The following SHCBP1L variants were observed in gnomAD, a reference collection of about 807,000 sequenced individuals.
The protein encoded by SHCBP1L is testicular spindle-associated protein SHCBP1L.
A neutral mutation model predicts 62.5 loss-of-function variants in SHCBP1L; 67 were observed. The ratio of observed to expected loss-of-function variants is 1.07; its 90% CI spans 0.88 to 1.31. SHCBP1L has a LOEUF of 1.31. Ranked by LOEUF, SHCBP1L falls within the 40% of genes most tolerant of loss-of-function variation. The pLI is 0.00. For missense variants in SHCBP1L, 823 were observed against 809.8 expected, an observed-to-expected ratio of 1.02 and a Z score of -0.20; for synonymous variants, 284 against 289.4, an observed-to-expected ratio of 0.98 and a Z score of 0.19.
At chr1:182,935,427 AT>A (rs1174609749) in intron 5 of SHCBP1L, among the ~76,000 whole-genome samples, 1 of 152,132 alleles carries the variant, frequency 6.6e-6, no homozygotes, top group African/African-American at 2.4e-5. Context: ...ATTGTCAATA[AT>A]TTTTAAAATT....
At chr1:182,914,467 T>C (rs968669106) in intron 6 of SHCBP1L, among the ~76,000 whole-genome samples, 2 of 152,128 alleles carry the variant, frequency 1.3e-5, no homozygotes, top group Non-Finnish European at 1.5e-5. Context: ...GGGGAAACAA[T>C]GTATAAAGAT....
Position 182,953,120 on chromosome 1 carries a change from G to C in SHCBP1L, c.14C>G (p.Ser5Cys). The C allele has an allele frequency of 1.3e-6, 2 of 1,579,720 alleles. No homozygotes were observed. The highest frequency in any genetic ancestry group is 1.1e-5 in the South Asian group (1 of 87,968). The change falls in exon 1 of 10, where the codon TCC becomes TGC. Residue 5 changes from serine to cysteine, a missense_variant. Coordinates refer to ENST00000367547, the MANE Select transcript of SHCBP1L (RefSeq NM_030933.4). ...TGAGTCCGCGGGCACCGAGGCCTTGGAGCCCGACGCCATCTCCTCAGCAGC... is the reference window on the plus strand; with the variant it reads ...TGAGTCCGCGGGCACCGAGGCCTTGCAGCCCGACGCCATCTCCTCAGCAGC... MASG[S>C]KASVPADSFR...
chr1:182,922,646 T>C (rs1057012141), intron 6 of SHCBP1L, among the ~76,000 whole-genome samples: 10 of 151,730 alleles, frequency 6.6e-5, no homozygotes, highest in African/African-American at 2.4e-4. Context: ...TGAATGACTT[T>C]TGGGTAAACA....
Position 182,953,138 on chromosome 1 carries a change from T to C in SHCBP1L, c.-5A>G. On this transcript the variant is annotated 5_prime_UTR_variant, in exon 1 of 10. Transcript: ENST00000367547. ...GGCCTTGGAGCCCGACGCCATCTCC[T>C]CAGCAGCCCGAGGGCCGAGGCAGCC... 1 of 1,580,258 alleles carries C rather than the reference T, an allele frequency of 6.3e-7. No homozygotes were observed.
At chr1:182,946,059 T>TA (rs1392288364) in intron 2 of SHCBP1L, among the ~76,000 whole-genome samples, 2,625 of 127,858 alleles carry the variant, frequency 0.021, 51 homozygotes, top group African/African-American at 0.061. Flanking sequence ...GACTCCGTCT[T>TA]AAAAAAAAAA....
chr1:182,943,780 A>G (rs987612113), intron 2 of SHCBP1L, among the ~76,000 whole-genome samples: 4 of 151,338 alleles, frequency 2.6e-5, no homozygotes, highest in Non-Finnish European at 5.9e-5. Context: ...AGTATTATAC[A>G]TGCATATAGT....
At chr1:182,914,675 C>T (rs1650296484) in intron 6 of SHCBP1L, among the ~76,000 whole-genome samples, 1 of 150,896 alleles carries the variant, frequency 6.6e-6, no homozygotes, top group Non-Finnish European at 1.5e-5. Flanking sequence ...AAAAAAAAAT[C>T]ATAAAACACA....
intron 6 of SHCBP1L, among the ~76,000 whole-genome samples, chr1:182,923,328 C>G (rs892773320): frequency 6.6e-6 from 1 of 152,156 alleles, no homozygotes; most frequent in Non-Finnish European, 1.5e-5. Flanking sequence ...ACCAATCCTG[C>G]TGAAACTATT....
intron 6 of SHCBP1L, among the ~76,000 whole-genome samples, chr1:182,917,332 C>T (rs1650385321): frequency 6.6e-6 from 1 of 152,140 alleles, no homozygotes; most frequent in African/African-American, 2.4e-5. Context: ...AATCATAACA[C>T]ACCACATTAA....
chr1:182,924,786 A>AAGAAAGAAAGAAAGAAAGAAAGAG (rs1557996865), intron 6 of SHCBP1L, among the ~76,000 whole-genome samples: 1 of 93,016 alleles, frequency 1.1e-5, no homozygotes, highest in Admixed American at 1.1e-4. Flanking sequence ...GAAAGAAAGA[A>AAGAAAGAAAGAAAGAAAGAAAGAG]AGAGAGAAAG....
intron 6 of SHCBP1L, among the ~76,000 whole-genome samples, chr1:182,906,766 G>A (rs1327189537): frequency 2.0e-5 from 3 of 152,098 alleles, no homozygotes; most frequent in African/African-American, 7.2e-5. Flanking sequence ...AATATGCATT[G>A]GGAGTAGAAA....
At position 182,952,882 on chromosome 1, in the gene SHCBP1L, C is replaced by G; in HGVS notation, c.252G>C (p.Ala84=). ...GGGGCTCCTCCGCCGCCGCCGCCGCCGCCTCTCCCGTGTCCTCGGCCTGAG... is the reference window on the plus strand; with the variant it reads ...GGGGCTCCTCCGCCGCCGCCGCCGCGGCCTCTCCCGTGTCCTCGGCCTGAG... ...PAAQAEDTGE[A]AAAAAEEPLL... The change falls in exon 1 of 10, where the codon GCG becomes GCC. Residue 84 remains alanine, a synonymous_variant. Transcript: ENST00000367547. 3.1e-6 allele frequency: 5 copies of G among 1,594,870 alleles called. No individual in the cohort carries two copies. The highest frequency in any genetic ancestry group is 4.3e-6 in the Non-Finnish European group (5 of 1,171,786).
chr1:182,940,980 G>C (rs891830483), intron 2 of SHCBP1L, among the ~76,000 whole-genome samples: 1 of 151,910 alleles, frequency 6.6e-6, no homozygotes, highest in African/African-American at 2.4e-5. Flanking sequence ...GCCTCCTCAG[G>C]ACCTGGGACT....
chr1:182,904,471 C>T (rs776104784), intron 7 of SHCBP1L, 41 bp from the exon 8 acceptor site: 1 of 1,603,132 alleles, frequency 6.2e-7, no homozygotes, highest in Admixed American at 1.7e-5. Flanking sequence ...CAGTAATCTC[C>T]CATTTTAAGG....
chr1:182,914,348 T>C (rs1479101055), intron 6 of SHCBP1L, among the ~76,000 whole-genome samples: 1 of 151,854 alleles, frequency 6.6e-6, no homozygotes, highest in Non-Finnish European at 1.5e-5. Context: ...AAATCAAGGG[T>C]AAATATAAAG....
chr1:182,945,679 T>A (rs1174622770), intron 2 of SHCBP1L, among the ~76,000 whole-genome samples: 1 of 152,228 alleles, frequency 6.6e-6, no homozygotes, highest in Non-Finnish European at 1.5e-5. Flanking sequence ...ATAGTGTGCC[T>A]AGGTATAAAA....
Position 182,952,711 on chromosome 1 carries a change from T to C in SHCBP1L, c.405+18A>G. 2 of 1,584,726 alleles carry C rather than the reference T, an allele frequency of 1.3e-6. No individual in the cohort carries two copies. Among genetic ancestry groups the C allele is most frequent in the Non-Finnish European group, 1.7e-6 (2 of 1,164,470 alleles). On this transcript the variant is annotated intron_variant, in intron 1 of 9. Coordinates refer to ENST00000367547, the MANE Select transcript of SHCBP1L (RefSeq NM_030933.4). ...GACGAGCTTCCGACCGTAGTCTTCC[T>C]GTCCCGGATCCGCTCACCTTACAGT...
chr1:182,924,675 AGAAAGGAAAGGAAAG>A (rs140771329), intron 6 of SHCBP1L, among the ~76,000 whole-genome samples: 1 of 93,910 alleles, frequency 1.1e-5, no homozygotes, highest in African/African-American at 4.9e-5. Flanking sequence ...CAACTACAAA[AGAAAGGAAAGGAAAG>A]GAAAGGAAAG....
At chr1:182,936,102 T>G (rs1343036145) in intron 5 of SHCBP1L, among the ~76,000 whole-genome samples, 3 of 151,366 alleles carry the variant, frequency 2.0e-5, no homozygotes, top group African/African-American at 7.3e-5. Flanking sequence ...CTGCCTCTTC[T>G]AGTGTTTTGG....
Sources: allele counts gnomAD v4.1 joint callset (sites outside exome capture counted in the v4.1 genomes callset), GRCh38; gene constraint gnomAD v4.1.1; transcripts MANE v1.5; gene names NCBI Gene and HGNC (gene_info 2026-07-23, HGNC 2026-07-21).